The following GUCY1A2 variants were observed in gnomAD, a reference collection of about 807,000 sequenced individuals.
GUCY1A2 encodes the protein guanylate cyclase soluble subunit alpha-2.
A neutral mutation model predicts 63.5 loss-of-function variants in GUCY1A2; 27 were observed. The ratio of observed to expected loss-of-function variants is 0.43; its 90% CI spans 0.31 to 0.59. The LOEUF (loss-of-function observed/expected upper bound fraction) is 0.59, where lower values mean the gene tolerates loss of function less well. Among genes scored for constraint, GUCY1A2 ranks in the 20% least tolerant of loss-of-function variants. GUCY1A2 has a pLI of 0.11. For synonymous variants in GUCY1A2, 364 were observed against 343.5 expected, an observed-to-expected ratio of 1.06 and a Z score of -0.66; for missense variants, 768 against 913.3, an observed-to-expected ratio of 0.84 and a Z score of 2.05.
intron 4 of GUCY1A2, among the ~76,000 whole-genome samples, chr11:106,822,419 A>T (rs563065837): frequency 4.6e-5 from 7 of 152,122 alleles, no homozygotes; most frequent in Non-Finnish European, 1.0e-4. Context: ...TACATGGGTA[A>T]ATTGTGTGTT....
Position 106,720,203 on chromosome 11 carries a change from G to A in GUCY1A2, c.1837-11537C>T, listed in dbSNP as rs1863290727. Reference sequence around the variant, plus strand: ...GAGACCTCAGCACATCTGTTTTCGTGGCAAACACAAAACAGTTTGGGTGGC... The same window carrying A: ...GAGACCTCAGCACATCTGTTTTCGTAGCAAACACAAAACAGTTTGGGTGGC... On this transcript the variant is annotated intron_variant, in intron 6 of 7. Transcript: ENST00000526355. Among the ~76,000 whole-genome samples the A allele has an allele frequency of 2.0e-5, 3 of 152,230 alleles. No individual in the cohort carries two copies. The South Asian group carries it at 6.2e-4, about 32-fold the overall frequency.
rs1455303880 is a variant in GUCY1A2, at chr11:107,012,261, T to A, written c.303+5492A>T. 1.8e-3 allele frequency among the ~76,000 whole-genome samples: 10 copies of A among 5,624 alleles called. No homozygotes were observed. The African/African-American group carries it at 0.023, about 13-fold the overall frequency. 3.7% of individuals were successfully genotyped at this position (5,624 alleles called of 152,430 possible). ...GACAAAATACAGTGCTTCTTATTAC[T>A]TTTTTTTTTTTTTTCGTACTTGACA... On this transcript the variant is annotated intron_variant, in intron 1 of 7. Coordinates refer to ENST00000526355, the MANE Select transcript of GUCY1A2 (RefSeq NM_000855.3).
chr11:106,756,729 T>A (rs993854349), intron 6 of GUCY1A2, among the ~76,000 whole-genome samples: 1 of 152,238 alleles, frequency 6.6e-6, no homozygotes, highest in Admixed American at 6.5e-5. Context: ...GTTAGTCTGA[T>A]GAGCTTCCCT....
At chr11:106,749,012 T>C (rs1264624030) in intron 6 of GUCY1A2, among the ~76,000 whole-genome samples, 2 of 152,232 alleles carry the variant, frequency 1.3e-5, no homozygotes, top group East Asian at 3.9e-4. Flanking sequence ...ACATATACAA[T>C]GGCAATCCCT....
chr11:107,017,892 G>GC lies in GUCY1A2; in HGVS notation c.163dup (p.Ala55GlyfsTer63), dbSNP rs1440848978. 1 of 1,245,858 alleles carries GC rather than the reference G, an allele frequency of 8.0e-7. No individual in the cohort carries two copies. Among genetic ancestry groups the GC allele is most frequent in the African/African-American group, 1.6e-5 (1 of 63,770 alleles). The allele number at this position is 1,245,858 out of a possible 1,614,324, so 77.2% of individuals were successfully genotyped here. On this transcript the variant is annotated frameshift_variant, in exon 1 of 8. Transcript: ENST00000526355. LOFTEE classifies it high-confidence loss of function. ...CGGGGTCGGGGCCGGGGCGGCGGCA[G>GC]CGGCAGCTGCGGCCGGGCTGGGCTC...
chr11:106,962,924 A>G (rs1861078499), intron 3 of GUCY1A2, among the ~76,000 whole-genome samples: 1 of 152,104 alleles, frequency 6.6e-6, no homozygotes, highest in Admixed American at 6.6e-5. Flanking sequence ...ATTTAAAAAT[A>G]TAGGCAGTGG....
rs1243188942 is a variant in GUCY1A2 at position 106,685,359 on chromosome 11, A to C, written c.*2190T>G. ...GGTGGATTTCCAATGATGCTTTTCAAATATGCTTCCCGTAGATATTCTTAA... is the reference window on the plus strand; with the variant it reads ...GGTGGATTTCCAATGATGCTTTTCACATATGCTTCCCGTAGATATTCTTAA... On this transcript the variant is annotated 3_prime_UTR_variant, in exon 8 of 8. Coordinates refer to ENST00000526355, the MANE Select transcript of GUCY1A2 (RefSeq NM_000855.3). The C allele has an allele frequency of 1.4e-5, 3 of 213,024 alleles. No individual in the cohort carries two copies. The East Asian group carries it at 2.1e-4, about 15-fold the overall frequency. 13.2% of individuals were successfully genotyped at this position (213,024 alleles called of 1,614,324 possible). A position where few individuals can be genotyped will look rare whatever the true frequency, so the allele number is the denominator to read the frequency against.
At chr11:106,979,860 A>G (rs1423924031) in intron 2 of GUCY1A2, among the ~76,000 whole-genome samples, 2 of 152,186 alleles carry the variant, frequency 1.3e-5, no homozygotes, top group South Asian at 2.1e-4. Flanking sequence ...AAAAGAACAG[A>G]AAGACTTCAA....
chr11:106,798,563 A>G (rs1864810586), intron 5 of GUCY1A2, among the ~76,000 whole-genome samples: 1 of 152,188 alleles, frequency 6.6e-6, no homozygotes, highest in Non-Finnish European at 1.5e-5. Context: ...AAGCTTATCC[A>G]CCATGATCAA....
intron 4 of GUCY1A2, among the ~76,000 whole-genome samples, chr11:106,938,480 G>A (rs1166276672): frequency 6.6e-6 from 1 of 151,882 alleles, no homozygotes; most frequent in South Asian, 2.1e-4. Flanking sequence ...ATTTCTAATA[G>A]CTAATAGCTT....
chr11:106,799,107 T>C (rs1256352914), intron 5 of GUCY1A2, among the ~76,000 whole-genome samples: 1 of 152,176 alleles, frequency 6.6e-6, no homozygotes, highest in Non-Finnish European at 1.5e-5. Flanking sequence ...CAAGCATTCT[T>C]ATACACCAAT....
At chr11:106,949,641 C>T (rs1397541083) in intron 3 of GUCY1A2, among the ~76,000 whole-genome samples, 3 of 152,122 alleles carry the variant, frequency 2.0e-5, no homozygotes, top group Non-Finnish European at 4.4e-5. Context: ...ATTTCCCACA[C>T]AATAGCTGCT....
chr11:106,960,748 C>T (rs1375531762), intron 3 of GUCY1A2, among the ~76,000 whole-genome samples: 1 of 152,020 alleles, frequency 6.6e-6, no homozygotes, highest in Non-Finnish European at 1.5e-5. Flanking sequence ...CGGTAGTGCA[C>T]GTGAGTATGT....
chr11:106,922,662 C>CATATATATATATAT, intron 4 of GUCY1A2, among the ~76,000 whole-genome samples: 1 of 124,806 alleles, frequency 8.0e-6, no homozygotes, highest in African/African-American at 3.2e-5. Context: ...TTGTTAACTA[C>CATATATATATATAT]ATATATATAT....
At chr11:106,752,184 T>TG (rs1863892755) in intron 6 of GUCY1A2, among the ~76,000 whole-genome samples, 1 of 152,092 alleles carries the variant, frequency 6.6e-6, no homozygotes. Context: ...CCAAGAAAGA[T>TG]GGATAGAATA....
chr11:106,702,449 T>G (rs1434825681), intron 7 of GUCY1A2, among the ~76,000 whole-genome samples: 1 of 152,164 alleles, frequency 6.6e-6, no homozygotes, highest in Non-Finnish European at 1.5e-5. Flanking sequence ...TATCTGTGTC[T>G]GAGGGCAGGT....
intron 1 of GUCY1A2, among the ~76,000 whole-genome samples, chr11:107,014,649 G>A (rs1779787641): frequency 6.6e-6 from 1 of 152,016 alleles, no homozygotes; most frequent in Non-Finnish European, 1.5e-5. Context: ...CCTGAGTGTG[G>A]ATATCCCATG....
chr11:106,958,201 TA>T (rs1861015487), intron 3 of GUCY1A2, among the ~76,000 whole-genome samples: 1 of 152,172 alleles, frequency 6.6e-6, no homozygotes, highest in Admixed American at 6.5e-5. Flanking sequence ...ATACACCATT[TA>T]GTATAACATT....
intron 6 of GUCY1A2, among the ~76,000 whole-genome samples, chr11:106,759,735 A>G (rs1331675627): frequency 6.6e-6 from 1 of 152,240 alleles, no homozygotes. Flanking sequence ...GGAGTTCGAG[A>G]CCAGCCTGCC....
Sources: gnomAD v4.1 joint callset for allele counts (sites outside exome capture counted in the v4.1 genomes callset) on GRCh38, gnomAD v4.1.1 for gene constraint, MANE v1.5 for transcripts, NCBI Gene and HGNC (gene_info 2026-07-23, HGNC 2026-07-21) for gene names.